The following TG variants were observed in gnomAD, a reference collection of about 807,000 sequenced individuals.
TG encodes the protein thyroid hormones.
Under a neutral mutation model 324.7 loss-of-function variants are expected in TG, and 270 were observed. The observed-to-expected ratio is 0.83, with a 90% CI of 0.75 to 0.92. TG has a LOEUF of 0.92. Among genes scored for constraint, TG ranks in the 40% least tolerant of loss-of-function variants. The pLI is 0.00. For missense variants in TG, 3,591 were observed against 3,456.4 expected, an observed-to-expected ratio of 1.04 and a Z score of -0.98; for synonymous variants, 1,401 against 1,327.0, an observed-to-expected ratio of 1.06 and a Z score of -1.21.
chr8:133,064,989 AT>A (rs1842856313), intron 41 of TG, among the ~76,000 whole-genome samples: 1 of 152,204 alleles, frequency 6.6e-6, no homozygotes, highest in Non-Finnish European at 1.5e-5. Context: ...GACAGTTAGA[AT>A]TAATTTGAAA....
At chr8:133,111,093 C>T (rs1240320670) in intron 43 of TG, among the ~76,000 whole-genome samples, 4 of 152,222 alleles carry the variant, frequency 2.6e-5, no homozygotes, top group African/African-American at 9.6e-5. Context: ...TGACTCCAAA[C>T]TCAATGCTCT....
At position 132,886,997 on chromosome 8, in the gene TG, G is replaced by A; in HGVS notation, c.1625G>A (p.Gly542Asp). 1 of 1,614,186 alleles carries A rather than the reference G, an allele frequency of 6.2e-7. No individual in the cohort carries two copies. ...TGTPEAAKKD[G>D]TMNKPTVGSF... The stretch of plus-strand genomic sequence containing the variant: ...ACCCCTGAAGCTGCTAAGAAGGATG[G>A]TACTATGAATAAGCCAACTGTGGGC... Residue 542 changes from glycine (G) to aspartate (D), a missense_variant, in exon 9 of 48, where the codon GGT becomes GAT. Physicochemically the swap from Gly to Asp is moderately conservative, Grantham distance 94. Transcript: ENST00000220616.
At chr8:133,101,794 C>A (rs1174457580) in intron 43 of TG, among the ~76,000 whole-genome samples, 1 of 152,222 alleles carries the variant, frequency 6.6e-6, no homozygotes, top group Non-Finnish European at 1.5e-5. Context: ...TATTCCAAGA[C>A]CTCAGGAGGT....
At chr8:133,093,119 GTTTTC>G (rs1171984030) in intron 41 of TG, among the ~76,000 whole-genome samples, 8 of 139,762 alleles carry the variant, frequency 5.7e-5, no homozygotes, top group Admixed American at 3.6e-4. Flanking sequence ...GTGTGTGTGT[GTTTTC>G]TTTTCTTTTC....
chr8:133,130,024 G>A (rs1425270213), intron 45 of TG, among the ~76,000 whole-genome samples: 1 of 152,154 alleles, frequency 6.6e-6, no homozygotes, highest in Non-Finnish European at 1.5e-5. Flanking sequence ...ATAAGTATAT[G>A]AGCCAGAAAC....
intron 27 of TG, among the ~76,000 whole-genome samples, chr8:132,951,762 C>A (rs1826134199): frequency 6.6e-6 from 1 of 152,126 alleles, no homozygotes; most frequent in Non-Finnish European, 1.5e-5. Flanking sequence ...GGCAACAGGG[C>A]ACAGATATTT....
chr8:132,988,733 C>T (rs2130745769), intron 35 of TG: 1 of 985,434 alleles, frequency 1.0e-6, no homozygotes, highest in East Asian at 1.1e-4. Context: ...GCCAGCAAGG[C>T]TGCTGCAGGT....
At chr8:133,077,731 GTGTA>G (rs1845111612) in intron 41 of TG, among the ~76,000 whole-genome samples, 1 of 85,696 alleles carries the variant, frequency 1.2e-5, no homozygotes, top group Admixed American at 1.2e-4. Flanking sequence ...ATTCTCTGGT[GTGTA>G]TGTGTGTGTG....
chr8:132,937,367 G>A (rs1043229621), intron 25 of TG, among the ~76,000 whole-genome samples: 4 of 152,316 alleles, frequency 2.6e-5, no homozygotes, highest in East Asian at 3.9e-4. Context: ...CCCACAGCAG[G>A]GACAAGTGTT....
intron 27 of TG, among the ~76,000 whole-genome samples, chr8:132,955,193 C>A (rs546039104): frequency 1.3e-5 from 2 of 152,238 alleles, no homozygotes; most frequent in East Asian, 1.9e-4. Context: ...GAGGTCTTTC[C>A]CCCCACAAGT....
intron 6 of TG, 81 bp from the exon 7 acceptor site, chr8:132,882,388 C>T (rs1814767969): frequency 3.3e-6 from 5 of 1,516,752 alleles, no homozygotes; most frequent in Non-Finnish European, 4.6e-6. Flanking sequence ...GGCTGTCTCT[C>T]TCAGTATCTG....
chr8:133,093,864 C>T (rs184587970), intron 41 of TG, among the ~76,000 whole-genome samples: 6 of 152,216 alleles, frequency 3.9e-5, no homozygotes, highest in Admixed American at 2.0e-4. Context: ...GTAAGAGCAA[C>T]CGACTTATAC....
chr8:133,055,353 A>G (rs373293726), intron 41 of TG, among the ~76,000 whole-genome samples: 2,984 of 79,900 alleles, frequency 0.037, 64 homozygotes, highest in African/African-American at 0.091. Context: ...CAGGACACAC[A>G]CACGCACGCG....
chr8:132,903,939 C>T (rs1159655464), intron 16 of TG, among the ~76,000 whole-genome samples: 3 of 152,232 alleles, frequency 2.0e-5, no homozygotes, highest in Admixed American at 6.5e-5. Context: ...TACTAATACA[C>T]TTAATACATA....
rs540237807 is a variant in TG at position 133,082,404 on chromosome 8, A to C, written c.7240-12640A>C. On this transcript the variant is annotated intron_variant, in intron 41 of 47. Coordinates refer to ENST00000220616, the MANE Select transcript of TG (RefSeq NM_003235.5). Reference sequence around the variant, plus strand: ...AGACAGGGAGCAAGTTAAGAAAAAAATCTTTCCCTCCTTGTAGATTGCAAA... The same window carrying C: ...AGACAGGGAGCAAGTTAAGAAAAAACTCTTTCCCTCCTTGTAGATTGCAAA... Among the ~76,000 whole-genome samples the C allele has an allele frequency of 1.9e-3, 296 of 152,224 alleles. 3 individuals carry two copies. Among genetic ancestry groups the C allele is most frequent in the Non-Finnish European group, 3.1e-3 (213 of 68,018 alleles).
At chr8:133,072,584 C>T (rs1461269607) in intron 41 of TG, among the ~76,000 whole-genome samples, 1 of 152,206 alleles carries the variant, frequency 6.6e-6, no homozygotes, top group Non-Finnish European at 1.5e-5. Context: ...GTTTCAGCCT[C>T]TCTCAGAGCT....
chr8:132,983,445 G>C (rs758534499), intron 35 of TG, 33 bp downstream of exon 35: 1 of 1,592,266 alleles, frequency 6.3e-7, no homozygotes, highest in Non-Finnish European at 8.6e-7. Context: ...TCTTGGATGA[G>C]AGTACCCCCT....
intron 32 of TG, 107 bp downstream of exon 32, chr8:132,969,676 G>A (rs1411208952): frequency 2.4e-6 from 2 of 826,394 alleles, no homozygotes; most frequent in Non-Finnish European, 4.2e-6. Context: ...ACTTTGGGAG[G>A]CCGAGCTGGG....
At chr8:132,945,424 T>G (rs748437728) in intron 26 of TG, among the ~76,000 whole-genome samples, 2 of 152,136 alleles carry the variant, frequency 1.3e-5, no homozygotes, top group Non-Finnish European at 2.9e-5. Flanking sequence ...GATGTCCAAT[T>G]TGGCGATGGG....
Sources: gnomAD v4.1 joint callset for allele counts (sites outside exome capture counted in the v4.1 genomes callset) on GRCh38, gnomAD v4.1.1 for gene constraint, MANE v1.5 for transcripts, NCBI Gene and HGNC (gene_info 2026-07-23, HGNC 2026-07-21) for gene names.